SGMS1: variants seen among roughly 807,000 people sequenced by gnomAD.
The protein encoded by SGMS1 is phosphatidylcholine:ceramide cholinephosphotransferase 1.
Under a neutral mutation model 46.2 loss-of-function variants are expected in SGMS1, and 13 were observed. The observed-to-expected ratio is 0.28, with a 90% CI of 0.18 to 0.45. SGMS1 has a LOEUF of 0.45. SGMS1 is among the 20% of genes least tolerant of loss of function. SGMS1 has a pLI of 1.00. For missense variants in SGMS1, 324 were observed against 519.9 expected, an observed-to-expected ratio of 0.62 and a Z score of 3.66; for synonymous variants, 203 against 187.8, an observed-to-expected ratio of 1.08 and a Z score of -0.66.
At chr10:50,350,325 G>A (rs527608404) in intron 6 of SGMS1, among the ~76,000 whole-genome samples, 1 of 152,136 alleles carries the variant, frequency 6.6e-6, no homozygotes, top group Non-Finnish European at 1.5e-5. Context: ...AGTTTGATAA[G>A]GGAAGCAAAG....
intron 6 of SGMS1, among the ~76,000 whole-genome samples, chr10:50,367,554 T>TA (rs764759236): frequency 1.3e-5 from 2 of 152,022 alleles, no homozygotes; most frequent in South Asian, 4.1e-4. Context: ...CTCCTGGAGG[T>TA]AAAAAAAGAA....
At chr10:50,609,485 G>A (rs2131925527) in intron 1 of SGMS1, among the ~76,000 whole-genome samples, 1 of 148,706 alleles carries the variant, frequency 6.7e-6, no homozygotes, top group South Asian at 2.2e-4. Context: ...CAGGGTACCT[G>A]GCCCATAGTA....
intron 2 of SGMS1, among the ~76,000 whole-genome samples, chr10:50,556,656 T>C (rs1838191899): frequency 6.6e-6 from 1 of 152,162 alleles, no homozygotes; most frequent in South Asian, 2.1e-4. Context: ...CAGCAACAAC[T>C]GAGAAGTTTG....
chr10:50,562,922 C>T (rs753891019), intron 2 of SGMS1, among the ~76,000 whole-genome samples: 1 of 152,156 alleles, frequency 6.6e-6, no homozygotes, highest in African/African-American at 2.4e-5. Context: ...TCCAGGTGCA[C>T]TCTCTGCAAA....
chr10:50,483,759 A>G (rs556614499), intron 3 of SGMS1, among the ~76,000 whole-genome samples: 3 of 152,204 alleles, frequency 2.0e-5, no homozygotes, highest in Admixed American at 6.5e-5. Flanking sequence ...CCACACAACT[A>G]TATGGAAATT....
chr10:50,382,373 T>A (rs1410721539), intron 6 of SGMS1, among the ~76,000 whole-genome samples: 1 of 152,150 alleles, frequency 6.6e-6, no homozygotes, highest in African/African-American at 2.4e-5. Context: ...AGATATATAT[T>A]CATAGAAAAT....
At chr10:50,345,405 G>C (rs1481036888) in intron 6 of SGMS1, among the ~76,000 whole-genome samples, 1 of 152,150 alleles carries the variant, frequency 6.6e-6, no homozygotes, top group East Asian at 1.9e-4. Context: ...CTGCATAGAA[G>C]AGTTACAAGT....
intron 6 of SGMS1, among the ~76,000 whole-genome samples, chr10:50,385,640 A>T (rs1848671821): frequency 6.6e-6 from 1 of 152,154 alleles, no homozygotes; most frequent in Non-Finnish European, 1.5e-5. Flanking sequence ...AAGATAAAGG[A>T]ACCTGAGATC....
intron 3 of SGMS1, among the ~76,000 whole-genome samples, chr10:50,467,896 T>C (rs1337463761): frequency 6.6e-6 from 1 of 152,172 alleles, no homozygotes; most frequent in African/African-American, 2.4e-5. Flanking sequence ...CTGCCAGTTC[T>C]CCAGAGACCA....
intron 4 of SGMS1, among the ~76,000 whole-genome samples, chr10:50,461,609 G>A (rs749712816): frequency 2.6e-5 from 4 of 152,092 alleles, no homozygotes; most frequent in Non-Finnish European, 5.9e-5. Flanking sequence ...AGTATCTGAT[G>A]AAAACTAAGC....
chr10:50,367,274 C>T (rs1329401748), intron 6 of SGMS1, among the ~76,000 whole-genome samples: 1 of 152,172 alleles, frequency 6.6e-6, no homozygotes, highest in East Asian at 1.9e-4. Context: ...TAGGGACTAA[C>T]ATCAAGTTTC....
intron 9 of SGMS1, 142 bp from the exon 10 acceptor site, chr10:50,308,290 AT>A (rs1847205686): frequency 1.4e-6 from 1 of 700,666 alleles, no homozygotes; most frequent in Non-Finnish European, 2.3e-6. Flanking sequence ...AAGGGCTGTC[AT>A]TTATCTGTAA....
intron 9 of SGMS1, among the ~76,000 whole-genome samples, chr10:50,308,359 A>G (rs1207339274): frequency 1.3e-5 from 2 of 152,328 alleles, no homozygotes; most frequent in South Asian, 2.1e-4. Context: ...ATAGTAATTC[A>G]TATTTGGTTC....
chr10:50,369,222 G>A lies in SGMS1; in HGVS notation c.-231-24877C>T, dbSNP rs112786032. Among the ~76,000 whole-genome samples the A allele has an allele frequency of 9.3e-3, 1,411 of 152,294 alleles. 25 individuals carry two copies. Among genetic ancestry groups the A allele is most frequent in the African/African-American group, 0.031 (1,290 of 41,548 alleles). ...ACTTTACACAAAGATTACAGGTCAG[G>A]TGCAGTGGCTCACATCTGTAATCTC... is the stretch of plus-strand genomic sequence containing the variant. On this transcript the variant is annotated intron_variant, in intron 6 of 10. Transcript: ENST00000361781.
At chr10:50,405,753 C>T (rs1311907842) in intron 6 of SGMS1, among the ~76,000 whole-genome samples, 1 of 152,126 alleles carries the variant, frequency 6.6e-6, no homozygotes, top group Non-Finnish European at 1.5e-5. Flanking sequence ...AACTATAATT[C>T]TAGGTTATGC....
At chr10:50,585,447 G>A (rs1157684738) in intron 2 of SGMS1, among the ~76,000 whole-genome samples, 1 of 152,212 alleles carries the variant, frequency 6.6e-6, no homozygotes, top group Non-Finnish European at 1.5e-5. Flanking sequence ...TGTAGGGTAA[G>A]TGTTTATCAA....
chr10:50,388,160 A>G (rs1370198136), intron 6 of SGMS1, among the ~76,000 whole-genome samples: 1 of 152,222 alleles, frequency 6.6e-6, no homozygotes, highest in Non-Finnish European at 1.5e-5. Flanking sequence ...TATCACTTGA[A>G]GGCTTTGAAA....
At chr10:50,453,239 G>C (rs1445409390) in intron 5 of SGMS1, among the ~76,000 whole-genome samples, 1 of 151,876 alleles carries the variant, frequency 6.6e-6, no homozygotes, top group Non-Finnish European at 1.5e-5. Flanking sequence ...ATTTAAAAGG[G>C]AGTAAAATTT....
chr10:50,425,727 C>A (rs1849316649), intron 6 of SGMS1, among the ~76,000 whole-genome samples: 1 of 152,122 alleles, frequency 6.6e-6, no homozygotes, highest in African/African-American at 2.4e-5. Context: ...TGCGAATGTA[C>A]CCCGGGTCTA....
Sources: allele counts gnomAD v4.1 joint callset (sites outside exome capture counted in the v4.1 genomes callset), GRCh38; gene constraint gnomAD v4.1.1; transcripts MANE v1.5; gene names NCBI Gene and HGNC (gene_info 2026-07-23, HGNC 2026-07-21).